LRRC7: variants seen among roughly 807,000 people sequenced by gnomAD.
LRRC7 encodes the protein leucine-rich repeat-containing protein 7.
In LRRC7, 23 loss-of-function variants were observed where a neutral mutation model predicts 175.7. The observed-to-expected ratio is 0.13, with a 90% CI of 0.09 to 0.19. The LOEUF (loss-of-function observed/expected upper bound fraction) is 0.19, where lower values mean the gene tolerates loss of function less well. LRRC7 is among the 10% of genes least tolerant of loss of function. LRRC7 has a pLI of 1.00. For missense variants in LRRC7, 1,354 were observed against 1,904.7 expected (o/e 0.71, Z 5.38); for synonymous variants, 685 against 680.9 (o/e 1.01, Z -0.09).
At chr1:69,589,360 C>A (rs1016615743) in intron 1 of LRRC7, among the ~76,000 whole-genome samples, 1 of 152,100 alleles carries the variant, frequency 6.6e-6, no homozygotes, top group African/African-American at 2.4e-5. Flanking sequence ...CTTATCTGAA[C>A]TCTCCATCCT....
chr1:69,875,988 G>A (rs1686010816), intron 7 of LRRC7, among the ~76,000 whole-genome samples: 1 of 152,012 alleles, frequency 6.6e-6, no homozygotes, highest in Non-Finnish European at 1.5e-5. Context: ...CATAATATTA[G>A]ACTACTCTCA....
chr1:69,799,877 T>G (rs1381992701), intron 4 of LRRC7, among the ~76,000 whole-genome samples: 1 of 152,078 alleles, frequency 6.6e-6, no homozygotes, highest in African/African-American at 2.4e-5. Flanking sequence ...TATAGTTTCA[T>G]GTTTACATTT....
At chr1:69,989,314 C>T (rs1654218086) in intron 10 of LRRC7, among the ~76,000 whole-genome samples, 1 of 152,114 alleles carries the variant, frequency 6.6e-6, no homozygotes, top group African/African-American at 2.4e-5. Context: ...TAGCTTGATT[C>T]AATCATTCTA....
chr1:69,631,358 T>C (rs562447463), intron 1 of LRRC7, among the ~76,000 whole-genome samples: 1 of 152,248 alleles, frequency 6.6e-6, no homozygotes, highest in South Asian at 2.1e-4. Context: ...CTACTCAGTC[T>C]TTACACGCCT....
chr1:69,981,100 C>A (rs139004468), intron 9 of LRRC7, among the ~76,000 whole-genome samples: 34 of 152,228 alleles, frequency 2.2e-4, no homozygotes, highest in Middle Eastern at 3.4e-3. Flanking sequence ...AAACGCTGCC[C>A]CTTGCCACTT....
chr1:69,836,314 T>C (rs1362576251), intron 6 of LRRC7, among the ~76,000 whole-genome samples: 2 of 152,088 alleles, frequency 1.3e-5, no homozygotes, highest in Non-Finnish European at 2.9e-5. Flanking sequence ...CAAAGAGCAC[T>C]GTTTGGCTTC....
At chr1:69,925,586 A>G (rs540967033) in intron 7 of LRRC7, among the ~76,000 whole-genome samples, 5 of 151,962 alleles carry the variant, frequency 3.3e-5, no homozygotes, top group East Asian at 1.9e-4. Context: ...GTTTATTTGC[A>G]TAGAGGTGTT....
At chr1:69,997,653 G>A (rs1655122071) in intron 11 of LRRC7, among the ~76,000 whole-genome samples, 1 of 149,932 alleles carries the variant, frequency 6.7e-6, no homozygotes, top group Admixed American at 6.7e-5. Context: ...CATCTATTGA[G>A]ATAATCATGT....
chr1:69,662,544 T>G (rs181936800), intron 1 of LRRC7, among the ~76,000 whole-genome samples: 181 of 152,330 alleles, frequency 1.2e-3, no homozygotes, highest in Non-Finnish European at 2.1e-3. Flanking sequence ...AGTTTCCAAC[T>G]GGACAGCACT....
chr1:69,990,558 A>G (rs1348907196), intron 10 of LRRC7, among the ~76,000 whole-genome samples: 1 of 152,058 alleles, frequency 6.6e-6, no homozygotes, highest in African/African-American at 2.4e-5. Flanking sequence ...AATGTGAAGG[A>G]CCTTACCTTA....
At chr1:69,781,677 C>G (rs1673513208) in intron 3 of LRRC7, among the ~76,000 whole-genome samples, 1 of 90,312 alleles carries the variant, frequency 1.1e-5, no homozygotes, top group Non-Finnish European at 2.2e-5. Flanking sequence ...GCAAGACTGT[C>G]TCAAAAAAAA....
chr1:69,964,303 T>C (rs1040873831), intron 8 of LRRC7, among the ~76,000 whole-genome samples: 3 of 152,198 alleles, frequency 2.0e-5, no homozygotes, highest in Non-Finnish European at 4.4e-5. Context: ...AGTATCCTCC[T>C]ATATGGGCTA....
chr1:69,727,914 T>A (rs1333442180), intron 2 of LRRC7, among the ~76,000 whole-genome samples: 1 of 152,216 alleles, frequency 6.6e-6, no homozygotes, highest in Admixed American at 6.5e-5. Context: ...AGTGTGAGGA[T>A]GGTGTAAAAA....
chr1:69,609,925 A>G (rs1453631582), intron 1 of LRRC7, among the ~76,000 whole-genome samples: 1 of 152,102 alleles, frequency 6.6e-6, no homozygotes, highest in African/African-American at 2.4e-5. Context: ...ATAACCAAAA[A>G]GTAGAAAGAA....
intron 7 of LRRC7, among the ~76,000 whole-genome samples, chr1:69,917,337 TC>T (rs1346311185): frequency 6.6e-6 from 1 of 152,134 alleles, no homozygotes; most frequent in Admixed American, 6.6e-5. Context: ...CCAATGGACT[TC>T]CATGTGGAGA....
chr1:69,791,572 A>G (rs1435633547), intron 3 of LRRC7, among the ~76,000 whole-genome samples: 2 of 152,026 alleles, frequency 1.3e-5, no homozygotes, highest in Non-Finnish European at 2.9e-5. Flanking sequence ...AGAAATGTGA[A>G]CTCAAGTATT....
At chr1:69,898,541 G>A (rs1428785312) in intron 7 of LRRC7, among the ~76,000 whole-genome samples, 2 of 152,234 alleles carry the variant, frequency 1.3e-5, no homozygotes, top group African/African-American at 2.4e-5. Context: ...GAACACTACA[G>A]TGTAATACCA....
chr1:69,990,367 T>C (rs778016630), intron 10 of LRRC7, among the ~76,000 whole-genome samples: 11 of 152,010 alleles, frequency 7.2e-5, no homozygotes, highest in Non-Finnish European at 1.2e-4. Context: ...TTGATTACTC[T>C]AGAGAAAAGA....
intron 24 of LRRC7, among the ~76,000 whole-genome samples, chr1:70,083,791 C>T (rs1359348264): frequency 6.6e-6 from 1 of 152,134 alleles, no homozygotes; most frequent in Non-Finnish European, 1.5e-5. Context: ...TCCCCTTCCT[C>T]ACAGTCTACA....
Sources: allele counts gnomAD v4.1 joint callset (sites outside exome capture counted in the v4.1 genomes callset), GRCh38; gene constraint gnomAD v4.1.1; transcripts MANE v1.5; gene names NCBI Gene and HGNC (gene_info 2026-07-23, HGNC 2026-07-21).